Variants in SPAG9 observed in about 807,000 individuals in gnomAD.
SPAG9 encodes the protein C-Jun-amino-terminal kinase-interacting protein 4.
Under a neutral mutation model 166.5 loss-of-function variants are expected in SPAG9, and 35 were observed. That is an observed-to-expected ratio of 0.21 (90% CI 0.16 to 0.28). SPAG9 has a LOEUF of 0.28. Ranked by LOEUF, SPAG9 falls within the 10% of genes least tolerant of loss-of-function variation. The pLI is 1.00. For missense variants in SPAG9, 1,235 were observed against 1,603.3 expected (o/e 0.77, Z 3.92); for synonymous variants, 534 against 565.5 (o/e 0.94, Z 0.79).
At chr17:51,092,751 C>CA (rs200338786) in intron 1 of SPAG9, among the ~76,000 whole-genome samples, 1,059 of 54,186 alleles carry the variant, frequency 0.02, 3 homozygotes, top group Non-Finnish European at 0.023. Context: ...CTTGTCTCTA[C>CA]AAAAAAAAAA....
chr17:51,065,592 A>G (rs1952575867), intron 2 of SPAG9, among the ~76,000 whole-genome samples: 1 of 152,150 alleles, frequency 6.6e-6, no homozygotes, highest in Admixed American at 6.5e-5. Context: ...TTGCCTCAAC[A>G]CTTGGGCAAA....
At chr17:50,983,086 T>C (rs529456670) in intron 24 of SPAG9, among the ~76,000 whole-genome samples, 1 of 152,236 alleles carries the variant, frequency 6.6e-6, no homozygotes, top group Non-Finnish European at 1.5e-5. Context: ...GCTAACACTT[T>C]AGGAATTATG....
chr17:51,028,743 T>C (rs772673817), intron 6 of SPAG9, among the ~76,000 whole-genome samples: 12 of 152,216 alleles, frequency 7.9e-5, no homozygotes, highest in Admixed American at 5.2e-4. Flanking sequence ...GAGGTCCTAA[T>C]TGAAAAGCAT....
At chr17:51,009,312 GA>G (rs990025718) in intron 9 of SPAG9, among the ~76,000 whole-genome samples, 2 of 151,932 alleles carry the variant, frequency 1.3e-5, no homozygotes, top group Admixed American at 6.6e-5. Flanking sequence ...TTATAAAAAG[GA>G]AAAAAATTGA....
rs775289638 is a variant in SPAG9 at position 50,999,616 on chromosome 17, T to TC, written c.1664+44dup. On this transcript the variant is annotated intron_variant, in intron 14 of 29. Transcript: ENST00000262013. ...TGGAAATAAATTTTGACTGTAATTTTCTTGTCTCATGTGCTGTCTAACATC... is the reference window on the plus strand; with the variant it reads ...TGGAAATAAATTTTGACTGTAATTTTCCTTGTCTCATGTGCTGTCTAACATC... 6 of 1,535,972 alleles carry TC rather than the reference T, an allele frequency of 3.9e-6. No individual in the cohort carries two copies. The Admixed American group carries it at 1.1e-4, about 29-fold the overall frequency.
chr17:51,084,132 G>A (rs1308541803), intron 1 of SPAG9: 8 of 152,000 alleles, frequency 5.3e-5, no homozygotes, highest in Admixed American at 5.3e-4. Flanking sequence ...CCAGGCACAG[G>A]GAACATGACT....
chr17:50,972,067 T>C (rs895614195), intron 28 of SPAG9, among the ~76,000 whole-genome samples: 3 of 152,146 alleles, frequency 2.0e-5, no homozygotes, highest in African/African-American at 7.2e-5. Context: ...GTGCCTGGTC[T>C]CTTAAAAATT....
chr17:51,079,487 C>T lies in SPAG9; in HGVS notation c.424+97G>A, dbSNP rs2048105033. 69 of 1,155,212 alleles carry T rather than the reference C, an allele frequency of 6.0e-5. 1 individual carries two copies. In the South Asian group the frequency reaches 1.0e-3, roughly 17 times the overall value. 71.6% of individuals were successfully genotyped at this position (1,155,212 alleles called of 1,614,324 possible). ...CTCCTGAACCCAAGTGATCCTCCTA[C>T]CTCGGCCTCCCAAAGTGCTGGGATT... is the stretch of plus-strand genomic sequence containing the variant. On this transcript the variant is annotated intron_variant, in intron 2 of 29. Coordinates refer to ENST00000262013, the MANE Select transcript of SPAG9 (RefSeq NM_001130528.3).
chr17:51,014,643 C>T (rs1278541006), intron 8 of SPAG9: 2 of 251,484 alleles, frequency 8.0e-6, no homozygotes, highest in Non-Finnish European at 1.5e-5. Flanking sequence ...TCAGTGCTTC[C>T]CATAGATTAC....
intron 9 of SPAG9, 78 bp from the exon 10 acceptor site, chr17:51,007,404 C>A: frequency 1.4e-6 from 1 of 731,262 alleles, no homozygotes; most frequent in South Asian, 2.3e-5. Context: ...AAGCTATAGT[C>A]ACAAGTTTTA....
At chr17:51,070,613 G>A (rs2047797067) in intron 2 of SPAG9, among the ~76,000 whole-genome samples, 1 of 151,990 alleles carries the variant, frequency 6.6e-6, no homozygotes. Flanking sequence ...ATTTTACCCT[G>A]ATTCACCTCT....
In SPAG9 at chr17:51,114,260, G is replaced by T. The variant is rs564713474; in HGVS notation, c.303+6094C>A. 5.9e-5 allele frequency among the ~76,000 whole-genome samples: 9 copies of T among 152,220 alleles called. No homozygotes were observed. The East Asian group carries it at 1.5e-3, about 26-fold the overall frequency. ...GAGAATTGCTTGAACCTGGAAGGTG[G>T]GAGTTACAGTGATCTGAGATCGCAC... On this transcript the variant is annotated intron_variant, in intron 1 of 29. Transcript: ENST00000262013.
intron 2 of SPAG9, among the ~76,000 whole-genome samples, chr17:51,078,927 A>G (rs2048088935): frequency 6.6e-6 from 1 of 152,176 alleles, no homozygotes; most frequent in Non-Finnish European, 1.5e-5. Flanking sequence ...AAACAGAAAA[A>G]ATGGAGCTTT....
chr17:51,070,445 A>T (rs1047506030), intron 2 of SPAG9, among the ~76,000 whole-genome samples: 1 of 152,230 alleles, frequency 6.6e-6, no homozygotes, highest in Non-Finnish European at 1.5e-5. Flanking sequence ...AAATTCTTTG[A>T]CCTACTTCCT....
rs71149344 is a variant in SPAG9, at chr17:51,106,102, TACACACACACACACACACAC to T, written c.303+14232_303+14251del. On this transcript the variant is annotated intron_variant, in intron 1 of 29. Coordinates refer to ENST00000262013, the MANE Select transcript of SPAG9 (RefSeq NM_001130528.3). ...GGCAACACAGCAAGACCCCCATCTCTACACACACACACACACACACACACACACACACACACACACACACA... is the reference window on the plus strand; with the variant it reads ...GGCAACACAGCAAGACCCCCATCTCTACACACACACACACACACACACACA... 3.3e-3 allele frequency among the ~76,000 whole-genome samples: 361 copies of T among 110,654 alleles called. 2 individuals are homozygous for T. The highest frequency in any genetic ancestry group is 0.012 in the African/African-American group (337 of 28,252). The allele number at this position is 110,654 out of a possible 152,430, so 72.6% of individuals were successfully genotyped here.
At chr17:51,001,883 T>C (rs754733042) in intron 12 of SPAG9, 38 bp from the exon 13 acceptor site, 1 of 1,593,706 alleles carries the variant, frequency 6.3e-7, no homozygotes, top group Admixed American at 1.8e-5. Flanking sequence ...TTCTGGAAGC[T>C]TATAAATGTC....
At position 51,120,454 on chromosome 17, in the gene SPAG9, T is replaced by C; in HGVS notation, c.203A>G (p.Asp68Gly). The C allele has an allele frequency of 1.2e-6, 2 of 1,613,844 alleles. No homozygotes were observed. Among genetic ancestry groups the C allele is most frequent in the East Asian group, 2.2e-5 (1 of 44,866 alleles). The change falls in exon 1 of 30, where the codon GAC becomes GGC. Residue 68 changes from aspartate (D) to glycine (G), a missense_variant. Physicochemically the swap from Asp to Gly is moderately conservative, Grantham distance 94. Coordinates refer to ENST00000262013, the MANE Select transcript of SPAG9 (RefSeq NM_001130528.3). This position sits in a 1 kb window ranked among gnomAD's most constrained non-coding sequence, Gnocchi z 4.7. ...LENLDSVFAQDQEHQVELELL... is the reference protein window; with the variant it reads ...LENLDSVFAQGQEHQVELELL... The stretch of plus-strand genomic sequence containing the variant: ...CTCCAGCTCCACCTGGTGCTCCTGG[T>C]CCTGCGCGAACACCGAGTCCAGGTT...
At chr17:51,062,939 C>T (rs1339521752) in intron 2 of SPAG9, among the ~76,000 whole-genome samples, 1 of 152,152 alleles carries the variant, frequency 6.6e-6, no homozygotes, top group Non-Finnish European at 1.5e-5. Context: ...TTAGCACTGA[C>T]TAATATTCCA....
chr17:51,040,247 A>AG (rs1333451433), intron 5 of SPAG9, among the ~76,000 whole-genome samples: 1 of 107,590 alleles, frequency 9.3e-6, no homozygotes. Context: ...ACTCTGTCTC[A>AG]AAAAAAAAAA....
Sources: allele counts gnomAD v4.1 joint callset (sites outside exome capture counted in the v4.1 genomes callset), GRCh38; gene constraint gnomAD v4.1.1; non-coding constraint Gnocchi (gnomAD v3.1); transcripts MANE v1.5; gene names NCBI Gene and HGNC (gene_info 2026-07-23, HGNC 2026-07-21).